The following OLA1 variants were observed in gnomAD, a reference collection of about 807,000 sequenced individuals.
OLA1 encodes the protein obg-like ATPase 1.
OLA1 carries 14 observed loss-of-function variants against 48.4 expected under a neutral mutation model. The ratio of observed to expected loss-of-function variants is 0.29; its 90% CI spans 0.19 to 0.45. The LOEUF (loss-of-function observed/expected upper bound fraction) is 0.45, where lower values mean the gene tolerates loss of function less well. Among genes scored for constraint, OLA1 ranks in the 20% least tolerant of loss-of-function variants. OLA1 has a pLI of 1.00. For synonymous variants in OLA1, 127 were observed against 150.4 expected (o/e 0.84, Z 1.14); for missense variants, 325 against 467.1 (o/e 0.70, Z 2.80).
At chr2:174,079,140 T>G (rs200557103) in intron 9 of OLA1, 50 bp from the exon 10 acceptor site, 49 of 1,526,038 alleles carry the variant, frequency 3.2e-5, no homozygotes, top group Non-Finnish European at 4.2e-5. Context: ...GATGACTGAT[T>G]GTAAGCACAG....
intron 8 of OLA1, 86 bp downstream of exon 8, chr2:174,081,838 A>G: frequency 7.9e-7 from 1 of 1,273,426 alleles, no homozygotes; most frequent in Non-Finnish European, 1.1e-6. Flanking sequence ...TTACTCTGTC[A>G]TTTATTATTC....
At chr2:174,168,346 T>C (rs1376991401) in intron 4 of OLA1, among the ~76,000 whole-genome samples, 3 of 151,488 alleles carry the variant, frequency 2.0e-5, no homozygotes, top group Non-Finnish European at 4.4e-5. Context: ...ATCTAAGAAA[T>C]CGAGGTTGCA....
chr2:174,099,927 T>C (rs976067156), intron 7 of OLA1, among the ~76,000 whole-genome samples: 3 of 152,224 alleles, frequency 2.0e-5, no homozygotes, highest in Non-Finnish European at 4.4e-5. Context: ...TATCTTTCCA[T>C]TGTAATCAAA....
intron 7 of OLA1, among the ~76,000 whole-genome samples, chr2:174,089,407 T>C (rs1263595153): frequency 6.6e-6 from 1 of 152,166 alleles, no homozygotes; most frequent in Non-Finnish European, 1.5e-5. Flanking sequence ...TAGAGGCAGA[T>C]ATTGACTACC....
intron 7 of OLA1, among the ~76,000 whole-genome samples, chr2:174,112,347 G>A (rs958218569): frequency 2.6e-5 from 4 of 152,146 alleles, no homozygotes; most frequent in African/African-American, 9.7e-5. Context: ...TAAAATGTGG[G>A]TAATAATGGC....
intron 3 of OLA1, among the ~76,000 whole-genome samples, chr2:174,227,152 C>T (rs1688634072): frequency 6.6e-6 from 1 of 151,864 alleles, no homozygotes; most frequent in Non-Finnish European, 1.5e-5. Flanking sequence ...TGCCTGTAAT[C>T]CCACCATTTT....
chr2:174,122,475 T>G (rs1032140897), intron 7 of OLA1, among the ~76,000 whole-genome samples: 4 of 152,198 alleles, frequency 2.6e-5, no homozygotes, highest in African/African-American at 9.6e-5. Context: ...TTGCTTTGGA[T>G]AGTTTTGATT....
In OLA1 at chr2:174,102,389, C is replaced by T. The variant is rs143184228; in HGVS notation, c.729-20325G>A. Among the ~76,000 whole-genome samples the T allele has an allele frequency of 2.6e-3, 396 of 151,726 alleles. 2 individuals are homozygous for T. Among genetic ancestry groups the T allele is most frequent in the African/African-American group, 8.8e-3 (364 of 41,376 alleles). ...ATCCCTAGGGAAGAGTCATGGCCGACAGAGAAAACTCAGTAGAGACGAGAT... is the reference window on the plus strand; with the variant it reads ...ATCCCTAGGGAAGAGTCATGGCCGATAGAGAAAACTCAGTAGAGACGAGAT... On this transcript the variant is annotated intron_variant, in intron 7 of 10. Transcript: ENST00000284719.
In OLA1 at chr2:174,073,827, A is replaced by AT. The variant is rs1684663777; in HGVS notation, c.*1598dup. The AT allele has an allele frequency of 6.6e-6, 1 of 152,154 alleles. No homozygotes were observed. The highest frequency in any genetic ancestry group is 1.5e-5 in the Non-Finnish European group (1 of 68,020). The allele number at this position is 152,154 out of a possible 1,614,324, so 9.4% of individuals were successfully genotyped here. A position where few individuals can be genotyped will look rare whatever the true frequency, so the allele number is the denominator to read the frequency against. On this transcript the variant is annotated 3_prime_UTR_variant, in exon 11 of 11. Coordinates refer to ENST00000284719, the MANE Select transcript of OLA1 (RefSeq NM_013341.5). ...CAATACAGAAATAGATATAACAAGG[A>AT]TTTTTCACAGCAAACTTGGTCAGCT...
intron 1 of OLA1, chr2:174,247,427 T>TA (rs775430845): frequency 2.4e-6 from 1 of 420,082 alleles, no homozygotes; most frequent in Non-Finnish European, 4.2e-6. Context: ...AAGATAAACT[T>TA]AGAGTTTAGC....
intron 7 of OLA1, among the ~76,000 whole-genome samples, chr2:174,093,289 A>AAAAAT (rs553191615): frequency 2.2e-4 from 33 of 152,170 alleles, no homozygotes; most frequent in African/African-American, 7.2e-4. Context: ...TCTATGAATA[A>AAAAAT]AAAATAAAAT....
intron 7 of OLA1, among the ~76,000 whole-genome samples, chr2:174,097,013 G>A (rs1016939312): frequency 7.9e-5 from 12 of 152,062 alleles, no homozygotes; most frequent in African/African-American, 2.2e-4. Flanking sequence ...AAAATTGGCC[G>A]GGCGTGGTGG....
At chr2:174,220,267 C>T (rs1238507340) in intron 4 of OLA1, among the ~76,000 whole-genome samples, 2 of 152,200 alleles carry the variant, frequency 1.3e-5, no homozygotes, top group Non-Finnish European at 2.9e-5. Context: ...ATTCTAACCA[C>T]CATGGCAGTT....
chr2:174,081,398 A>G, intron 8 of OLA1, 150 bp from the exon 9 acceptor site: 2 of 597,308 alleles, frequency 3.3e-6, no homozygotes, highest in Non-Finnish European at 5.9e-6. Flanking sequence ...AGGGTTCAGA[A>G]AGCAAGTAAC....
chr2:174,144,672 G>T (rs1686535857), intron 4 of OLA1, among the ~76,000 whole-genome samples: 2 of 151,532 alleles, frequency 1.3e-5, no homozygotes, highest in South Asian at 4.2e-4. Flanking sequence ...AGTCTTTGAG[G>T]CCCGGCATGG....
intron 4 of OLA1, among the ~76,000 whole-genome samples, chr2:174,198,898 T>C (rs1687933933): frequency 6.6e-6 from 1 of 152,198 alleles, no homozygotes; most frequent in African/African-American, 2.4e-5. Flanking sequence ...ACAAAAGTAA[T>C]TGTGGGAAAA....
chr2:174,188,761 T>C (rs1230999400), intron 4 of OLA1, among the ~76,000 whole-genome samples: 2 of 152,170 alleles, frequency 1.3e-5, no homozygotes, highest in Non-Finnish European at 2.9e-5. Flanking sequence ...ACAAAATTAT[T>C]AAAAAATATT....
intron 10 of OLA1, among the ~76,000 whole-genome samples, chr2:174,076,726 G>A (rs748342461): frequency 1.5e-4 from 22 of 150,958 alleles, no homozygotes; most frequent in Non-Finnish European, 2.7e-4. Context: ...CCAACGTAAC[G>A]TACCCTACAA....
Position 174,240,876 on chromosome 2 carries a change from A to T in OLA1, c.101+5839T>A, listed in dbSNP as rs551488582. Among the ~76,000 whole-genome samples the T allele has an allele frequency of 1.7e-4, 26 of 152,310 alleles. No homozygotes were observed. In the South Asian group the frequency reaches 5.4e-3, roughly 32 times the overall value. The stretch of plus-strand genomic sequence containing the variant: ...AGACTTCTAGGAACACATAGACATC[A>T]CATATTTTGTATCAGGAAAATAGTG... On this transcript the variant is annotated intron_variant, in intron 2 of 10. Coordinates refer to ENST00000284719, the MANE Select transcript of OLA1 (RefSeq NM_013341.5).
Sources: allele counts gnomAD v4.1 joint callset (sites outside exome capture counted in the v4.1 genomes callset), GRCh38; gene constraint gnomAD v4.1.1; transcripts MANE v1.5; gene names NCBI Gene and HGNC (gene_info 2026-07-23, HGNC 2026-07-21).